RIPK4: variants seen among roughly 807,000 people sequenced by gnomAD.
RIPK4 encodes receptor-interacting serine/threonine-protein kinase 4.
In RIPK4, 17 loss-of-function variants were observed where a neutral mutation model predicts 42.9. The ratio of observed to expected loss-of-function variants is 0.40; its 90% CI spans 0.27 to 0.59. RIPK4 has a LOEUF of 0.59. Among genes scored for constraint, RIPK4 ranks in the 20% least tolerant of loss-of-function variants. The pLI is 0.47. For synonymous variants in RIPK4, 498 were observed against 499.1 expected, an observed-to-expected ratio of 1.00 and a Z score of 0.03; for missense variants, 897 against 1,104.4, an observed-to-expected ratio of 0.81 and a Z score of 2.66.
rs563351959 is a variant in RIPK4, at chr21:41,741,351, G to A, written c.1842C>T (p.Arg614=). 4.0e-5 allele frequency: 64 copies of A among 1,611,078 alleles called. No individual in the cohort carries two copies. In the East Asian group the frequency reaches 6.9e-4, roughly 17 times the overall value. Residue 614 remains arginine (R), a synonymous_variant, in exon 8 of 8, where the codon CGC becomes CGT. Transcript: ENST00000332512. ...GRTPLHLAAQ[R]GHYRVARILI... is the part of the protein sequence containing the mutation. ...GGATGCGGGCCACGCGGTAGTGCCCGCGCTGTGCGGCCAGGTGCAATGGCG... is the reference window on the plus strand; with the variant it reads ...GGATGCGGGCCACGCGGTAGTGCCCACGCTGTGCGGCCAGGTGCAATGGCG...
At chr21:41,761,561 T>C (rs916854718) in intron 1 of RIPK4, among the ~76,000 whole-genome samples, 3 of 152,102 alleles carry the variant, frequency 2.0e-5, no homozygotes, top group Non-Finnish European at 4.4e-5. Flanking sequence ...CCACATCCAC[T>C]GTGCAACCGT....
At chr21:41,746,037 G>GC (rs745382514) in intron 5 of RIPK4, 175 bp from the exon 6 acceptor site, 17 of 725,844 alleles carry the variant, frequency 2.3e-5, no homozygotes, top group Middle Eastern at 2.3e-4. Context: ...CCAAACCCAG[G>GC]CCCCCCCATC....
chr21:41,744,246 G>C, intron 6 of RIPK4, 106 bp from the exon 7 acceptor site: 2 of 1,104,358 alleles, frequency 1.8e-6, no homozygotes, highest in Non-Finnish European at 2.5e-6. Context: ...GAGGGAGATG[G>C]GGGAGGAAAG....
At chr21:41,763,947 C>T (rs2061228733) in intron 1 of RIPK4, among the ~76,000 whole-genome samples, 1 of 152,118 alleles carries the variant, frequency 6.6e-6, no homozygotes, top group Non-Finnish European at 1.5e-5. Context: ...CCCATCCCTA[C>T]ACCCCACCCT....
Position 41,766,905 on chromosome 21 carries a change from G to C in RIPK4, c.137C>G (p.Thr46Ser), listed in dbSNP as rs1029122333. The change falls in exon 1 of 8, where the codon ACC becomes AGC. Residue 46 changes from threonine (T) to serine (S), a missense_variant. Transcript: ENST00000332512. The stretch of plus-strand genomic sequence containing the variant: ...GGGCGAGCACTTGATGGCCAGCCAG[G>C]TCTTCCAGTGGACATGGCGCACCTT... ...VYKVRHVHWK[T>S]WLAIKCSPSL... The C allele has an allele frequency of 6.2e-7, 1 of 1,610,520 alleles. No homozygotes were observed. Among genetic ancestry groups the C allele is most frequent in the African/African-American group, 1.3e-5 (1 of 74,430 alleles).
intron 1 of RIPK4, among the ~76,000 whole-genome samples, chr21:41,758,076 A>AGAGAGAGAGAG (rs2061210622): frequency 2.9e-5 from 4 of 139,094 alleles, no homozygotes; most frequent in South Asian, 4.7e-4. Flanking sequence ...AGAGAGAGAG[A>AGAGAGAGAGAG]AAATGTAGTC....
At position 41,746,288 on chromosome 21, in the gene RIPK4, C is replaced by T. The variant is rs901324538; in HGVS notation, c.832+325G>A. On this transcript the variant is annotated intron_variant, in intron 5 of 7. Coordinates refer to ENST00000332512, the MANE Select transcript of RIPK4 (RefSeq NM_020639.3). Reference sequence around the variant, plus strand: ...AGAGAAGGGCGACGCCGCCGGCCACCGGCCAGGTAAGTCCCCGGGAAGAGC... The same window carrying T: ...AGAGAAGGGCGACGCCGCCGGCCACTGGCCAGGTAAGTCCCCGGGAAGAGC... The T allele has an allele frequency of 6.8e-5, 40 of 587,310 alleles. No individual in the cohort carries two copies. The Admixed American group carries it at 9.2e-4, about 14-fold the overall frequency. 36.4% of individuals were successfully genotyped at this position (587,310 alleles called of 1,614,324 possible).
chr21:41,748,516 C>G (rs2146050539), intron 4 of RIPK4, among the ~76,000 whole-genome samples: 1 of 152,346 alleles, frequency 6.6e-6, no homozygotes, highest in Non-Finnish European at 1.5e-5. Flanking sequence ...AGCTCTCAAG[C>G]TGGGCAGGGG....
chr21:41,751,034 A>G lies in RIPK4; in HGVS notation c.623+63T>C. The G allele has an allele frequency of 6.4e-7, 1 of 1,568,244 alleles. No homozygotes were observed. The highest frequency in any genetic ancestry group is 2.3e-5 in the East Asian group (1 of 44,174). On this transcript the variant is annotated intron_variant, in intron 3 of 7. Coordinates refer to ENST00000332512, the MANE Select transcript of RIPK4 (RefSeq NM_020639.3). This position sits in a 1 kb window ranked among gnomAD's most constrained non-coding sequence, Gnocchi z 4.5. ...CTTTCTGAAAGCTGCAGCTCAGGGC[A>G]TGAAGCATTGAGGTTGAGAGCCCCT...
intron 4 of RIPK4, among the ~76,000 whole-genome samples, chr21:41,747,792 T>C (rs1467943910): frequency 6.6e-6 from 1 of 152,202 alleles, no homozygotes; most frequent in Admixed American, 6.5e-5. Flanking sequence ...AAGCACAGAC[T>C]GGAAAAGCTG....
intron 1 of RIPK4, among the ~76,000 whole-genome samples, chr21:41,759,258 TA>T (rs1187787254): frequency 1.3e-5 from 2 of 152,014 alleles, no homozygotes; most frequent in Non-Finnish European, 2.9e-5. Context: ...CACACTCAGC[TA>T]ATTTTTTGTA....
At position 41,741,164 on chromosome 21, in the gene RIPK4, C is replaced by T; in HGVS notation, c.2029G>A (p.Ala677Thr). Residue 677 changes from alanine (A) to threonine (T), a missense_variant, in exon 8 of 8, where the codon GCT (alanine) becomes ACT (threonine). By Grantham distance (58) the Ala-to-Thr change is moderately conservative (BLOSUM62 0). Coordinates refer to ENST00000332512, the MANE Select transcript of RIPK4 (RefSeq NM_020639.3). ...GTGGCCAGGTGTCCGTTGCGGGCAG[C>T]CAGGTGCAGAGCGGTGTAGCCGTCT... ...TSDGYTALHLAARNGHLATVK... is the reference protein window; with the variant it reads ...TSDGYTALHLTARNGHLATVK... The T allele has an allele frequency of 6.2e-7, 1 of 1,612,586 alleles. No individual in the cohort carries two copies. The highest frequency in any genetic ancestry group is 8.5e-7 in the Non-Finnish European group (1 of 1,179,734).
intron 1 of RIPK4, among the ~76,000 whole-genome samples, chr21:41,761,882 G>T (rs2061221419): frequency 6.6e-6 from 1 of 152,148 alleles, no homozygotes; most frequent in South Asian, 2.1e-4. Flanking sequence ...GACTCTAACA[G>T]CTACGGGCTG....
chr21:41,762,881 T>C (rs1488498733), intron 1 of RIPK4, among the ~76,000 whole-genome samples: 1 of 152,116 alleles, frequency 6.6e-6, no homozygotes, highest in Admixed American at 6.5e-5. Flanking sequence ...ATTCGCACCG[T>C]CTCCAAATCG....
At chr21:41,750,987 T>C (rs2061186725) in intron 3 of RIPK4, 110 bp downstream of exon 3, 3 of 1,415,994 alleles carry the variant, frequency 2.1e-6, no homozygotes, top group Admixed American at 2.1e-5. Flanking sequence ...CCGAGCCCCA[T>C]TTCTGACTGG....
Position 41,744,061 on chromosome 21 carries a change from A to T in RIPK4, c.1016T>A (p.Leu339Gln). The T allele has an allele frequency of 6.2e-7, 1 of 1,612,828 alleles. No individual in the cohort carries two copies. Among genetic ancestry groups the T allele is most frequent in the Non-Finnish European group, 8.5e-7 (1 of 1,179,762 alleles). The change falls in exon 7 of 8, where the codon CTG becomes CAG. Residue 339 changes from leucine to glutamine, a missense_variant. Transcript: ENST00000332512. ...DYSLSELLSQ[L>Q]DSGVSQAVEG... ...GACAGCCTGGGAAACTCCAGAGTCC[A>T]GCTGTGAGAGCAGCTCGGAGAGGCT...
chr21:41,746,221 C>T (rs2061170677), intron 5 of RIPK4: 1 of 607,424 alleles, frequency 1.6e-6, no homozygotes, highest in African/African-American at 1.8e-5. Flanking sequence ...GGGTGACTTT[C>T]CTATGCCAGA....
Position 41,741,538 on chromosome 21 carries a change from A to G in RIPK4, c.1655T>C (p.Ile552Thr), listed in dbSNP as rs2061154000. The G allele has an allele frequency of 4.3e-6, 7 of 1,612,208 alleles. No individual in the cohort carries two copies. Among genetic ancestry groups the G allele is most frequent in the Middle Eastern group, 1.6e-4 (1 of 6,062 alleles). ...HVACQHGQEN[I>T]VRILLRRGVD... ...GCCTCGGCGCAGCAGGATGCGCACG[A>G]TATTCTCCTGCCCGTGCTGGCAGGC... The change falls in exon 8 of 8, where the codon ATC (isoleucine) becomes ACC (threonine). Residue 552 changes from isoleucine (I) to threonine (T), a missense_variant. Physicochemically the swap from Ile to Thr is moderately conservative, Grantham distance 89 (BLOSUM62 -1). Coordinates refer to ENST00000332512, the MANE Select transcript of RIPK4 (RefSeq NM_020639.3).
rs1377242172 is a variant in RIPK4, at chr21:41,741,217, C to T, written c.1976G>A (p.Arg659Gln). 5.0e-6 allele frequency: 8 copies of T among 1,608,964 alleles called. No individual in the cohort carries two copies. Among genetic ancestry groups the T allele is most frequent in the South Asian group, 1.1e-5 (1 of 90,760 alleles). ...HTSTARLLLH[R>Q]GAGKEAMTSD... ...GGTCATGGCCTCCTTGCCAGCGCCC[C>T]GATGCAGGAGCAGCCTGGCAGTGCT... Residue 659 changes from arginine to glutamine, a missense_variant, in exon 8 of 8, where the codon CGG (arginine) becomes CAG (glutamine). By Grantham distance (43) the Arg-to-Gln change is conservative (BLOSUM62 1). Coordinates refer to ENST00000332512, the MANE Select transcript of RIPK4 (RefSeq NM_020639.3).
Sources: gnomAD v4.1 joint callset for allele counts (sites outside exome capture counted in the v4.1 genomes callset) on GRCh38, gnomAD v4.1.1 for gene constraint, Gnocchi (gnomAD v3.1) non-coding constraint, MANE v1.5 for transcripts, NCBI Gene and HGNC (gene_info 2026-07-23, HGNC 2026-07-21) for gene names.